TBX3: variants seen among roughly 807,000 people sequenced by gnomAD.
TBX3 encodes T-box transcription factor TBX3.
TBX3 carries 11 observed loss-of-function variants against 47.8 expected under a neutral mutation model. The ratio of observed to expected loss-of-function variants is 0.23; its 90% CI spans 0.14 to 0.38. The LOEUF (loss-of-function observed/expected upper bound fraction) is 0.38, where lower values mean the gene tolerates loss of function less well. TBX3 is among the 10% of genes least tolerant of loss of function. The pLI is 1.00. For synonymous variants in TBX3, 500 were observed against 449.3 expected (o/e 1.11, Z -1.43); for missense variants, 927 against 1,022.8 (o/e 0.91, Z 1.28).
Position 114,673,351 on chromosome 12 carries a change from TC to T in TBX3, c.1710+813del, listed in dbSNP as rs148957007. On this transcript the variant is annotated intron_variant, in intron 6 of 6. Transcript: ENST00000349155. ...TGCAAAACCTCATAGAACCTTTTCA[TC>T]GAGTTCAGGGTGTTTCCAGCCGCCT... Among the ~76,000 whole-genome samples the T allele has an allele frequency of 1.6e-4, 25 of 152,294 alleles. 1 individual carries two copies. In the East Asian group the frequency reaches 4.8e-3, roughly 30 times the overall value.
intron 2 of TBX3, 88 bp from the exon 3 acceptor site, chr12:114,679,739 TCC>T: frequency 6.3e-7 from 1 of 1,595,636 alleles, no homozygotes; most frequent in South Asian, 1.1e-5. Flanking sequence ...GCTGAAATCT[TCC>T]CCACCGCAGG....
rs1024919027 is a variant in TBX3 at position 114,674,448 on chromosome 12, C to G, written c.1427G>C (p.Gly476Ala). ...TDAAAAHLAQ[G>A]PLPGLGFAPG... ...GGCGAAGCCGAGGCCAGGCAGGGGGCCCTGGGCCAGGTGCGCGGCGGCCGC... is the reference window on the plus strand; with the variant it reads ...GGCGAAGCCGAGGCCAGGCAGGGGGGCCTGGGCCAGGTGCGCGGCGGCCGC... The change falls in exon 6 of 7, where the codon GGC becomes GCC. Residue 476 changes from glycine to alanine, a missense_variant. By Grantham distance (60) the Gly-to-Ala change is moderately conservative. Coordinates refer to ENST00000349155, the MANE Select transcript of TBX3 (RefSeq NM_005996.4). The G allele has an allele frequency of 6.5e-7, 1 of 1,546,234 alleles. No homozygotes were observed. The highest frequency in any genetic ancestry group is 8.7e-7 in the Non-Finnish European group (1 of 1,145,204).
chr12:114,678,926 G>A (rs1276936279), intron 3 of TBX3, among the ~76,000 whole-genome samples: 1 of 151,944 alleles, frequency 6.6e-6, no homozygotes, highest in Non-Finnish European at 1.5e-5. Flanking sequence ...CAGACAACTC[G>A]ATTAATATGA....
chr12:114,683,566 C>A lies in TBX3; in HGVS notation c.-366G>T, dbSNP rs527797282. On this transcript the variant is annotated 5_prime_UTR_variant, in exon 1 of 7. Transcript: ENST00000349155. The surrounding 1 kb of genome is among the most constrained non-coding windows in gnomAD (Gnocchi z 7.7). ...CTCGCGCCCGAGCCCTGCCGCTGAG[C>A]TCGAAATAGACACTCCAGCCCTGCG... 66 of 313,238 alleles carry A rather than the reference C, an allele frequency of 2.1e-4. 2 individuals are homozygous for A. The highest frequency in any genetic ancestry group is 8.1e-4 in the East Asian group (16 of 19,676). 19.4% of individuals were successfully genotyped at this position (313,238 alleles called of 1,614,324 possible).
Position 114,676,427 on chromosome 12 carries a change from G to A in TBX3, c.925C>T (p.His309Tyr). 1 of 1,614,228 alleles carries A rather than the reference G, an allele frequency of 6.2e-7. No individual in the cohort carries two copies. The highest frequency in any genetic ancestry group is 8.5e-7 in the Non-Finnish European group (1 of 1,180,050). The stretch of plus-strand genomic sequence containing the variant: ...TCAGAGGTCCCATTCTCCTTTTTGT[G>A]TCTTTCATCAAACACCCTCATGGAC... ...LQSMRVFDERHKKENGTSDES... is the reference protein window; with the variant it reads ...LQSMRVFDERYKKENGTSDES... The change falls in exon 5 of 7, where the codon CAC becomes TAC. Residue 309 changes from histidine to tyrosine, a missense_variant. His to Tyr is a moderately conservative substitution (Grantham distance 83, BLOSUM62 2). Coordinates refer to ENST00000349155, the MANE Select transcript of TBX3 (RefSeq NM_005996.4).
rs546946957 is a variant in TBX3, at chr12:114,671,420, A to AT, written c.*420dup. On this transcript the variant is annotated 3_prime_UTR_variant, in exon 7 of 7. Coordinates refer to ENST00000349155, the MANE Select transcript of TBX3 (RefSeq NM_005996.4). ...CATGTTAATGTGTTCACTTGTCCCG[A>AT]TTTTTTTTTTGAAAGATTTTGTTTT... The AT allele has an allele frequency of 6.7e-3, 1,811 of 270,366 alleles. 5 individuals carry two copies. Among genetic ancestry groups the AT allele is most frequent in the African/African-American group, 8.0e-3 (365 of 45,738 alleles). The allele number at this position is 270,366 out of a possible 1,614,324, so 16.7% of individuals were successfully genotyped here. A position where few individuals can be genotyped will look rare whatever the true frequency, so the allele number is the denominator to read the frequency against.
At chr12:114,680,138 C>G (rs561952000) in intron 2 of TBX3, 3 of 702,746 alleles carry the variant, frequency 4.3e-6, no homozygotes, top group Non-Finnish European at 7.4e-6. Flanking sequence ...AATTCCTGCC[C>G]GCTGAAGATA....
At position 114,674,507 on chromosome 12, in the gene TBX3, C is replaced by T. The variant is rs1487573156; in HGVS notation, c.1368G>A (p.Lys456=). The change falls in exon 6 of 7, where the codon AAG becomes AAA. Residue 456 remains lysine, a synonymous_variant. Coordinates refer to ENST00000349155, the MANE Select transcript of TBX3 (RefSeq NM_005996.4). ...KVEEARALPG[K]EAFAPLTVQT... Reference sequence around the variant, plus strand: ...GCACCGTGAGCGGCGCGAAGGCCTCCTTGCCCGGGAGCGCGCGCGCCTCTT... The same window carrying T: ...GCACCGTGAGCGGCGCGAAGGCCTCTTTGCCCGGGAGCGCGCGCGCCTCTT... 2 of 1,514,028 alleles carry T rather than the reference C, an allele frequency of 1.3e-6. No homozygotes were observed. The highest frequency in any genetic ancestry group is 2.6e-5 in the South Asian group (2 of 77,786). The allele number at this position is 1,514,028 out of a possible 1,614,324, so 93.8% of individuals were successfully genotyped here. A position where few individuals can be genotyped will look rare whatever the true frequency, so the allele number is the denominator to read the frequency against.
At position 114,671,516 on chromosome 12, in the gene TBX3, C is replaced by T. The variant is rs1868421274; in HGVS notation, c.*325G>A. ...CACTGAGGGAGATGTCTTTGAACAC[C>T]TCCCCGCCTGGTGGGCAGAGACCCA... On this transcript the variant is annotated 3_prime_UTR_variant, in exon 7 of 7. Coordinates refer to ENST00000349155, the MANE Select transcript of TBX3 (RefSeq NM_005996.4). The T allele has an allele frequency of 2.1e-6, 1 of 472,288 alleles. No individual in the cohort carries two copies. The highest frequency in any genetic ancestry group is 3.8e-6 in the Non-Finnish European group (1 of 260,102). 29.3% of individuals were successfully genotyped at this position (472,288 alleles called of 1,614,324 possible). A position where few individuals can be genotyped will look rare whatever the true frequency, so the allele number is the denominator to read the frequency against.
chr12:114,674,684 GA>G lies in TBX3; in HGVS notation c.1190del (p.Phe397SerfsTer215), dbSNP rs1868624031. On this transcript the variant is annotated frameshift_variant, in exon 6 of 7. Coordinates refer to ENST00000349155, the MANE Select transcript of TBX3 (RefSeq NM_005996.4). LOFTEE classifies it high-confidence loss of function. ...KGSPAVKAHL[F>X]AAERPRDSGR... is the part of the protein sequence containing the mutation. ...CGCTGTCCCGGGGCCGCTCAGCAGCGAAAAGGTGAGCCTTGACCGCGGGGCT... is the reference window on the plus strand; with the variant it reads ...CGCTGTCCCGGGGCCGCTCAGCAGCGAAAGGTGAGCCTTGACCGCGGGGCT... 6.2e-7 allele frequency: 1 copy of G among 1,607,376 alleles called. No homozygotes were observed.
chr12:114,672,423 T>C (rs1868488099), intron 6 of TBX3, 121 bp from the exon 7 acceptor site: 5 of 714,286 alleles, frequency 7.0e-6, no homozygotes, highest in African/African-American at 2.3e-5. Flanking sequence ...TGTTCTGTTG[T>C]TGTTGTTGTT....
chr12:114,674,823 C>T lies in TBX3; in HGVS notation c.1052G>A (p.Ser351Asn). ...GGCCTCGGCGTCGCTCTCACCCTCG[C>T]TGGGACATAAATCTACCACAGGCGA... is the stretch of plus-strand genomic sequence containing the variant. ...GTSNLKDLCP[S>N]EGESDAEAES... Residue 351 changes from serine (S) to asparagine (N), a missense_variant, in exon 6 of 7, where the codon AGC (serine) becomes AAC (asparagine). This residue lies in a region of TBX3 where 623 missense variants were observed against 569.0 expected (regional missense o/e 1.09). Transcript: ENST00000349155. 1.3e-6 allele frequency: 2 copies of T among 1,572,472 alleles called. No homozygotes were observed. The highest frequency in any genetic ancestry group is 1.7e-6 in the Non-Finnish European group (2 of 1,165,380).
At chr12:114,674,985 G>A in intron 5 of TBX3, 150 bp from the exon 6 acceptor site, 1 of 973,536 alleles carries the variant, frequency 1.0e-6, no homozygotes, top group Non-Finnish European at 1.6e-6. Flanking sequence ...GCACCTCAGT[G>A]TTGTCATCTG....
chr12:114,681,422 T>C (rs1057053374), intron 1 of TBX3, among the ~76,000 whole-genome samples: 1 of 152,178 alleles, frequency 6.6e-6, no homozygotes, highest in African/African-American at 2.4e-5. Flanking sequence ...AACAATTTCT[T>C]CAATATTTTT....
chr12:114,672,416 T>G, intron 6 of TBX3, 114 bp from the exon 7 acceptor site: 1 of 877,320 alleles, frequency 1.1e-6, no homozygotes, highest in Non-Finnish European at 1.6e-6. Context: ...CCTGGTATGT[T>G]CTGTTGTTGT....
At chr12:114,681,414 C>G (rs1307028893) in intron 1 of TBX3, among the ~76,000 whole-genome samples, 1 of 152,160 alleles carries the variant, frequency 6.6e-6, no homozygotes, top group Admixed American at 6.5e-5. Context: ...CATTGTCTAA[C>G]AATTTCTTCA....
intron 2 of TBX3, chr12:114,680,013 T>C (rs749017041): frequency 5.0e-6 from 8 of 1,609,534 alleles, no homozygotes; most frequent in Non-Finnish European, 1.7e-6. Flanking sequence ...ATTTACAAAA[T>C]GATTCAGTAC....
chr12:114,671,809 G>T lies in TBX3; in HGVS notation c.*32C>A, dbSNP rs1470566723. 10 of 1,548,060 alleles carry T rather than the reference G, an allele frequency of 6.5e-6. No homozygotes were observed. The highest frequency in any genetic ancestry group is 2.4e-5 in the East Asian group (1 of 40,992). ...ACAAAGTGCACGGCAGCCTGAACTGGACTGGAATGAAAAGACGTGTCTGGG... is the reference window on the plus strand; with the variant it reads ...ACAAAGTGCACGGCAGCCTGAACTGTACTGGAATGAAAAGACGTGTCTGGG... On this transcript the variant is annotated 3_prime_UTR_variant, in exon 7 of 7. Transcript: ENST00000349155.
At chr12:114,678,702 C>T (rs1321456133) in intron 3 of TBX3, among the ~76,000 whole-genome samples, 1 of 152,152 alleles carries the variant, frequency 6.6e-6, no homozygotes, top group Admixed American at 6.5e-5. Context: ...TCTTCAGTCC[C>T]TCCTCCCACC....
Sources: gnomAD v4.1 joint callset for allele counts (sites outside exome capture counted in the v4.1 genomes callset) on GRCh38, gnomAD v4.1.1 for gene constraint, gnomAD v4.1.1 regional missense constraint, Gnocchi (gnomAD v3.1) non-coding constraint, MANE v1.5 for transcripts, NCBI Gene and HGNC (gene_info 2026-07-23, HGNC 2026-07-21) for gene names.